The following MCC variants were observed in gnomAD, a reference collection of about 807,000 sequenced individuals.
The protein encoded by MCC is colorectal mutant cancer protein.
In MCC, 90 loss-of-function variants were observed where a neutral mutation model predicts 116.2. That is an observed-to-expected ratio of 0.77 (90% CI 0.65 to 0.92). MCC has a LOEUF of 0.92. Among genes scored for constraint, MCC ranks in the 40% least tolerant of loss-of-function variants. The pLI is 0.00. For missense variants in MCC, 1,516 were observed against 1,312.2 expected, an observed-to-expected ratio of 1.16 and a Z score of -2.40; for synonymous variants, 578 against 510.5, an observed-to-expected ratio of 1.13 and a Z score of -1.78.
At chr5:113,225,120 T>C (rs1763685109) in intron 3 of MCC, among the ~76,000 whole-genome samples, 1 of 152,256 alleles carries the variant, frequency 6.6e-6, no homozygotes, top group African/African-American at 2.4e-5. Context: ...CTTTACTTGG[T>C]GACAACCTCT....
chr5:113,455,069 T>C (rs1365434775), intron 1 of MCC, among the ~76,000 whole-genome samples: 2 of 152,300 alleles, frequency 1.3e-5, no homozygotes, highest in East Asian at 3.9e-4. Flanking sequence ...TCCACCTGTT[T>C]GCTTATCCTC....
chr5:113,173,945 G>C (rs1761198492), intron 3 of MCC, among the ~76,000 whole-genome samples: 1 of 152,152 alleles, frequency 6.6e-6, no homozygotes, highest in South Asian at 2.1e-4. Context: ...TCCAAAGACA[G>C]AGACCTTTCT....
At chr5:113,292,975 C>T (rs1766566043) in intron 3 of MCC, among the ~76,000 whole-genome samples, 1 of 152,176 alleles carries the variant, frequency 6.6e-6, no homozygotes, top group South Asian at 2.1e-4. Context: ...CCTCACCTCC[C>T]ATTTTTAAGT....
chr5:113,445,022 A>C (rs1165362906), intron 1 of MCC, among the ~76,000 whole-genome samples: 1 of 152,220 alleles, frequency 6.6e-6, no homozygotes, highest in Non-Finnish European at 1.5e-5. Flanking sequence ...CAGTCTCTTA[A>C]AAACAAAATC....
At position 113,387,505 on chromosome 5, in the gene MCC, T is replaced by A. The variant is rs540915571; in HGVS notation, c.171-2293A>T. On this transcript the variant is annotated intron_variant, in intron 1 of 18. Transcript: ENST00000408903. Reference sequence around the variant, plus strand: ...AGTTCAGGGTTCAGATTATACTTTCTAAAATAAGGATTTCTTTTTTAGATA... The same window carrying A: ...AGTTCAGGGTTCAGATTATACTTTCAAAAATAAGGATTTCTTTTTTAGATA... 4.4e-4 allele frequency among the ~76,000 whole-genome samples: 67 copies of A among 152,338 alleles called. No homozygotes were observed. In the South Asian group the frequency reaches 0.013, roughly 30 times the overall value.
At chr5:113,047,946 C>T (rs1752218061) in intron 16 of MCC, among the ~76,000 whole-genome samples, 1 of 152,218 alleles carries the variant, frequency 6.6e-6, no homozygotes, top group Non-Finnish European at 1.5e-5. Context: ...CTTCCTTCCT[C>T]CTCCTCTGCC....
intron 3 of MCC, among the ~76,000 whole-genome samples, chr5:113,298,475 C>A (rs55889115): frequency 0.033 from 5,063 of 152,224 alleles, 291 homozygotes; most frequent in African/African-American, 0.11. Context: ...AGTGACCATG[C>A]ACAATTCTTT....
chr5:113,338,989 G>C (rs1237979130), intron 3 of MCC, among the ~76,000 whole-genome samples: 2 of 152,070 alleles, frequency 1.3e-5, no homozygotes, highest in Non-Finnish European at 2.9e-5. Context: ...TTTAGGCTAA[G>C]GCGGGTGGAT....
chr5:113,272,243 A>C (rs1465807758), intron 3 of MCC, among the ~76,000 whole-genome samples: 1 of 152,198 alleles, frequency 6.6e-6, no homozygotes, highest in African/African-American at 2.4e-5. Flanking sequence ...TGTCAGGCAC[A>C]CAGGAAGCAC....
At chr5:113,063,963 G>C (rs748581765) in intron 14 of MCC, 21 bp downstream of exon 14, 3 of 1,602,804 alleles carry the variant, frequency 1.9e-6, no homozygotes, top group African/African-American at 1.3e-5. Context: ...GCCCACCCCA[G>C]AGCAGAAGGC....
At chr5:113,240,429 G>T (rs1393899121) in intron 3 of MCC, among the ~76,000 whole-genome samples, 1 of 152,188 alleles carries the variant, frequency 6.6e-6, no homozygotes, top group Non-Finnish European at 1.5e-5. Context: ...TATGATAGGT[G>T]TGGAATCTGT....
At chr5:113,059,644 T>C (rs1753080347) in intron 14 of MCC, among the ~76,000 whole-genome samples, 2 of 152,238 alleles carry the variant, frequency 1.3e-5, no homozygotes, top group Non-Finnish European at 2.9e-5. Context: ...GCCACACATG[T>C]GTGTCTTGCT....
At chr5:113,264,624 A>G (rs1199707386) in intron 3 of MCC, among the ~76,000 whole-genome samples, 1 of 152,136 alleles carries the variant, frequency 6.6e-6, no homozygotes, top group African/African-American at 2.4e-5. Context: ...TTCACCTGCC[A>G]TATGTTTTTG....
chr5:113,101,021 G>A (rs1021225120), intron 8 of MCC, among the ~76,000 whole-genome samples: 1 of 152,088 alleles, frequency 6.6e-6, no homozygotes, highest in African/African-American at 2.4e-5. Flanking sequence ...ACTTCACCTT[G>A]GAAAAACTGA....
At chr5:113,424,132 T>TACACACACACACACACACACACACACAC (rs547192248) in intron 1 of MCC, among the ~76,000 whole-genome samples, 1 of 112,660 alleles carries the variant, frequency 8.9e-6, no homozygotes, top group South Asian at 3.6e-4. Context: ...AGTCATCCTC[T>TACACACACACACACACACACACACACAC]ACACACACAC....
At chr5:113,134,490 A>T (rs900717946) in intron 5 of MCC, among the ~76,000 whole-genome samples, 1 of 150,144 alleles carries the variant, frequency 6.7e-6, no homozygotes, top group Non-Finnish European at 1.5e-5. Context: ...GCATAATTTG[A>T]ACTCAAGTAG....
rs749594191 is a variant in MCC at position 113,049,152 on chromosome 5, CCTT to C, written c.2593_2595del (p.Lys865del). On this transcript the variant is annotated inframe_deletion, in exon 16 of 19. Coordinates refer to ENST00000408903, the MANE Select transcript of MCC (RefSeq NM_001085377.2). ...GAGCTGAGGGATCGCATCCGCTGCT[CCTT>C]CTGCTCCTCCACCTCGGACTTCAGG... 6 of 1,614,220 alleles carry C rather than the reference CCTT, an allele frequency of 3.7e-6. No individual in the cohort carries two copies. The highest frequency in any genetic ancestry group is 1.6e-4 in the Middle Eastern group (1 of 6,062).
intron 6 of MCC, 141 bp downstream of exon 6, chr5:113,122,543 G>A (rs924184525): frequency 1.2e-6 from 1 of 850,986 alleles, no homozygotes; most frequent in East Asian, 2.7e-5. Context: ...ATGTGTAAGG[G>A]ACTGAAATAC....
chr5:113,158,913 A>G (rs889914303), intron 3 of MCC, among the ~76,000 whole-genome samples: 2 of 152,028 alleles, frequency 1.3e-5, no homozygotes, highest in East Asian at 1.9e-4. Context: ...GGATGCGTAA[A>G]CCTGCTTGTG....
Sources: allele counts gnomAD v4.1 joint callset (sites outside exome capture counted in the v4.1 genomes callset), GRCh38; gene constraint gnomAD v4.1.1; transcripts MANE v1.5; gene names NCBI Gene and HGNC (gene_info 2026-07-23, HGNC 2026-07-21).